The following MAST4 variants were observed in gnomAD, a reference collection of about 807,000 sequenced individuals.
MAST4 encodes microtubule-associated serine/threonine-protein kinase 4.
A neutral mutation model predicts 162.7 loss-of-function variants in MAST4; 89 were observed. The observed-to-expected ratio is 0.55, with a 90% CI of 0.46 to 0.65. MAST4 has a LOEUF of 0.65. MAST4 is among the 30% of genes least tolerant of loss of function. The pLI, the probability that MAST4 is intolerant of heterozygous loss-of-function variation, is 0.00. For synonymous variants in MAST4, 1,479 were observed against 1,361.1 expected (o/e 1.09, Z -1.91); for missense variants, 3,153 against 3,374.0 (o/e 0.93, Z 1.62).
rs529046057 is a variant in MAST4, at chr5:66,762,291, T to C, written c.517+2429T>C. Among the ~76,000 whole-genome samples the C allele has an allele frequency of 2.6e-5, 4 of 152,370 alleles. No homozygotes were observed. The South Asian group carries it at 8.3e-4, about 32-fold the overall frequency. On this transcript the variant is annotated intron_variant, in intron 2 of 28. Coordinates refer to ENST00000403625, the MANE Select transcript of MAST4 (RefSeq NM_001164664.2). ...AAAATCCATCGAACGTCAGCCTGTT[T>C]TTGAAGACAGTTCCTTGAAAATTAT...
At chr5:66,810,290 G>A (rs907012705) in intron 3 of MAST4, among the ~76,000 whole-genome samples, 1 of 152,162 alleles carries the variant, frequency 6.6e-6, no homozygotes, top group Non-Finnish European at 1.5e-5. Flanking sequence ...TTAACATAAA[G>A]AGTTAGTTTC....
rs528581567 is a variant in MAST4 at position 66,763,150 on chromosome 5, G to A, written c.517+3288G>A. On this transcript the variant is annotated intron_variant, in intron 2 of 28. Coordinates refer to ENST00000403625, the MANE Select transcript of MAST4 (RefSeq NM_001164664.2). ...AACAGAAGGCGAGGATTTGAACCCA[G>A]GCATCATGGCTCCAGAGTTCATGCT... Among the ~76,000 whole-genome samples, 206 of 152,270 alleles carry A rather than the reference G, an allele frequency of 1.4e-3. 1 individual carries two copies. Among genetic ancestry groups the A allele is most frequent in the African/African-American group, 4.9e-3 (202 of 41,546 alleles).
intron 4 of MAST4, among the ~76,000 whole-genome samples, chr5:66,971,113 A>T (rs570919291): frequency 6.6e-6 from 1 of 152,140 alleles, no homozygotes; most frequent in South Asian, 2.1e-4. Context: ...ACAGTGTAAG[A>T]TTCCATTTAC....
chr5:66,826,910 C>T (rs1383542525), intron 3 of MAST4, among the ~76,000 whole-genome samples: 1 of 152,170 alleles, frequency 6.6e-6, no homozygotes, highest in Non-Finnish European at 1.5e-5. Flanking sequence ...AGGGAACTTT[C>T]TGTGCTCCTC....
intron 3 of MAST4, among the ~76,000 whole-genome samples, chr5:66,872,116 G>C (rs1760974248): frequency 1.3e-5 from 2 of 152,034 alleles, no homozygotes; most frequent in South Asian, 2.1e-4. Flanking sequence ...AGTAAATTCT[G>C]ATTAGAACCA....
chr5:67,054,539 TG>T (rs1758575466), intron 5 of MAST4, 47 bp downstream of exon 5: 12 of 1,502,320 alleles, frequency 8.0e-6, no homozygotes, highest in African/African-American at 2.8e-5. Context: ...CTTTATTTGT[TG>T]GTTTTTTAAA....
At chr5:66,647,569 A>G (rs1745924760) in intron 1 of MAST4, among the ~76,000 whole-genome samples, 1 of 137,986 alleles carries the variant, frequency 7.2e-6, no homozygotes, top group South Asian at 2.4e-4. Context: ...AAGGAAAAAA[A>G]ATAGAAGTTA....
intron 1 of MAST4, among the ~76,000 whole-genome samples, chr5:66,667,840 G>A (rs962523666): frequency 6.6e-6 from 1 of 152,086 alleles, no homozygotes; most frequent in Non-Finnish European, 1.5e-5. Flanking sequence ...TATTCACCTT[G>A]TCAAAATGCA....
At chr5:67,118,999 C>T (rs926880341) in intron 13 of MAST4, among the ~76,000 whole-genome samples, 10 of 152,098 alleles carry the variant, frequency 6.6e-5, no homozygotes, top group African/African-American at 2.4e-4. Flanking sequence ...TAACAGATTA[C>T]TAGGGTAAGA....
Position 67,163,724 on chromosome 5 carries a change from C to A in MAST4, c.4545C>A (p.Ser1515=). 6.2e-7 allele frequency: 1 copy of A among 1,608,760 alleles called. No individual in the cohort carries two copies. Reference sequence around the variant, plus strand: ...AAGGCTGCCTGAAACGCCCAGTCTCCCGGAAGGTGGGCCGCCAGGAGTCTG... The same window carrying A: ...AAGGCTGCCTGAAACGCCCAGTCTCACGGAAGGTGGGCCGCCAGGAGTCTG... ...VEQGCLKRPV[S]RKVGRQESVD... Residue 1515 remains serine (S), a synonymous_variant, in exon 29 of 29, where the codon TCC becomes TCA. Coordinates refer to ENST00000403625, the MANE Select transcript of MAST4 (RefSeq NM_001164664.2). This position sits in a 1 kb window ranked among gnomAD's most constrained non-coding sequence, Gnocchi z 7.0.
At chr5:66,674,581 A>G (rs1747830811) in intron 1 of MAST4, among the ~76,000 whole-genome samples, 1 of 152,236 alleles carries the variant, frequency 6.6e-6, no homozygotes, top group Non-Finnish European at 1.5e-5. Context: ...CTTTCAGTCT[A>G]CATGAGTTCA....
intron 3 of MAST4, among the ~76,000 whole-genome samples, chr5:66,840,879 G>A (rs146468566): frequency 1.0e-3 from 158 of 152,172 alleles, no homozygotes; most frequent in African/African-American, 3.5e-3. Flanking sequence ...ACTAAGTTTC[G>A]TAATGAGTTG....
At chr5:66,665,639 A>C (rs147168778) in intron 1 of MAST4, among the ~76,000 whole-genome samples, 53 of 152,310 alleles carry the variant, frequency 3.5e-4, no homozygotes, top group Admixed American at 2.5e-3. Flanking sequence ...GGATGTCTTT[A>C]GTGGTAGTAT....
At chr5:66,719,347 G>T (rs1180451644) in intron 1 of MAST4, among the ~76,000 whole-genome samples, 1 of 152,076 alleles carries the variant, frequency 6.6e-6, no homozygotes, top group Non-Finnish European at 1.5e-5. Context: ...AAATCACAGA[G>T]AAACAGGGCA....
intron 26 of MAST4, among the ~76,000 whole-genome samples, chr5:67,154,073 C>T (rs937571371): frequency 1.3e-5 from 2 of 152,178 alleles, no homozygotes; most frequent in Admixed American, 1.3e-4. Context: ...AGAAGAAGTT[C>T]TAGCAATTAT....
chr5:66,980,656 A>G (rs933819285), intron 4 of MAST4, among the ~76,000 whole-genome samples: 1 of 152,366 alleles, frequency 6.6e-6, no homozygotes, highest in Non-Finnish European at 1.5e-5. Flanking sequence ...AGAAGGTTGT[A>G]AGTTCTGTGT....
intron 14 of MAST4, among the ~76,000 whole-genome samples, chr5:67,124,424 C>G (rs1306003380): frequency 6.6e-6 from 1 of 152,004 alleles, no homozygotes. Context: ...CTCTCTGTCT[C>G]TCTCTCTCTC....
chr5:66,750,850 GACAA>G (rs1753106801), intron 1 of MAST4, among the ~76,000 whole-genome samples: 2 of 152,186 alleles, frequency 1.3e-5, no homozygotes, highest in African/African-American at 4.8e-5. Flanking sequence ...GCAGGGCACA[GACAA>G]ACAAAAAGAC....
intron 4 of MAST4, among the ~76,000 whole-genome samples, chr5:66,947,372 C>A (rs1356814748): frequency 2.0e-5 from 3 of 152,106 alleles, no homozygotes. Context: ...CATCTCCCTA[C>A]AAAGAAAAAT....
Sources: allele counts gnomAD v4.1 joint callset (sites outside exome capture counted in the v4.1 genomes callset), GRCh38; gene constraint gnomAD v4.1.1; non-coding constraint Gnocchi (gnomAD v3.1); transcripts MANE v1.5; gene names NCBI Gene and HGNC (gene_info 2026-07-23, HGNC 2026-07-21).